PPFIBP2: variants seen among roughly 807,000 people sequenced by gnomAD.
PPFIBP2 encodes the protein PPFIB scaffold protein 2.
Under a neutral mutation model 118.3 loss-of-function variants are expected in PPFIBP2, and 118 were observed. The observed-to-expected ratio is 1.00, with a 90% CI of 0.86 to 1.16. The LOEUF (loss-of-function observed/expected upper bound fraction) is 1.16, where lower values mean the gene tolerates loss of function less well. Among genes scored for constraint, PPFIBP2 ranks in the 50% most tolerant of loss-of-function variants. The pLI is 0.00. For missense variants in PPFIBP2, 1,195 were observed against 1,073.1 expected (o/e 1.11, Z -1.59); for synonymous variants, 414 against 397.4 (o/e 1.04, Z -0.50).
intron 1 of PPFIBP2, among the ~76,000 whole-genome samples, chr11:7,538,558 A>G (rs1796847396): frequency 6.6e-6 from 1 of 152,196 alleles, no homozygotes; most frequent in Non-Finnish European, 1.5e-5. Flanking sequence ...GGCTCTGCCA[A>G]AGGAGGCTGG....
At chr11:7,615,817 T>C (rs1162564468) in intron 6 of PPFIBP2, among the ~76,000 whole-genome samples, 2 of 152,188 alleles carry the variant, frequency 1.3e-5, no homozygotes, top group East Asian at 3.8e-4. Context: ...AAACTAGGCA[T>C]AAACAGACAT....
At chr11:7,544,473 T>C (rs374010491) in intron 1 of PPFIBP2, among the ~76,000 whole-genome samples, 29 of 152,242 alleles carry the variant, frequency 1.9e-4, no homozygotes, top group East Asian at 1.2e-3. Context: ...TCTCCTCTCA[T>C]TGCTGGGGAG....
intron 17 of PPFIBP2, among the ~76,000 whole-genome samples, chr11:7,646,254 T>A (rs7119947): frequency 0.56 from 85,683 of 152,140 alleles, 24,863 homozygotes; most frequent in Non-Finnish European, 0.6. Context: ...TTAAATGAAC[T>A]TTGTCAATTC....
intron 3 of PPFIBP2, among the ~76,000 whole-genome samples, chr11:7,580,704 T>G (rs979304699): frequency 3.3e-5 from 5 of 152,138 alleles, no homozygotes. Flanking sequence ...CCAAGGTAAA[T>G]TATCTCAAAA....
intron 5 of PPFIBP2, among the ~76,000 whole-genome samples, chr11:7,608,614 T>C (rs768711535): frequency 2.2e-4 from 34 of 152,304 alleles, no homozygotes; most frequent in Non-Finnish European, 4.6e-4. Context: ...CACTCCAGCC[T>C]GGGCAAAAAG....
chr11:7,535,977 G>T (rs955023117), intron 1 of PPFIBP2, among the ~76,000 whole-genome samples: 1 of 152,198 alleles, frequency 6.6e-6, no homozygotes, highest in Non-Finnish European at 1.5e-5. Flanking sequence ...GGAGGAGAGT[G>T]TCACCACTGA....
intron 3 of PPFIBP2, among the ~76,000 whole-genome samples, chr11:7,592,783 C>A (rs1168489168): frequency 6.6e-6 from 1 of 152,148 alleles, no homozygotes; most frequent in African/African-American, 2.4e-5. Context: ...AAGAGCAGAC[C>A]CTCATTGTCG....
rs764075263 is a variant in PPFIBP2, at chr11:7,648,501, C to T, written c.1761C>T (p.His587=). 3 of 1,614,086 alleles carry T rather than the reference C, an allele frequency of 1.9e-6. No individual in the cohort carries two copies. Among genetic ancestry groups the T allele is most frequent in the East Asian group, 2.2e-5 (1 of 44,856 alleles). The change falls in exon 18 of 24, where the codon CAC becomes CAT. Residue 587 remains histidine (H), a synonymous_variant. Transcript: ENST00000299492. ...CCAGGCAGTGGGTATCTTCTGGCCA[C>T]ACCTTATTGACAGCCACCCCTCAGG... The part of the protein sequence containing the change: ...IFARQWVSSG[H]TLLTATPQDM...
intron 11 of PPFIBP2, 183 bp from the exon 12 acceptor site, chr11:7,632,684 T>C: frequency 1.9e-6 from 1 of 538,048 alleles, no homozygotes; most frequent in Non-Finnish European, 3.4e-6. Flanking sequence ...CCAGATGGAC[T>C]GATAAGCCTA....
chr11:7,664,472 C>T, the PPFIBP2 span, among the ~76,000 whole-genome samples: 2 of 152,096 alleles, frequency 1.3e-5, no homozygotes, highest in African/African-American at 4.8e-5. Context: ...TTAGCAGCAT[C>T]CTTGGTCTCT....
At chr11:7,601,488 A>G (rs910407371) in intron 5 of PPFIBP2, among the ~76,000 whole-genome samples, 9 of 152,136 alleles carry the variant, frequency 5.9e-5, no homozygotes, top group African/African-American at 2.2e-4. Context: ...GACTGCTACA[A>G]GCAGACAGCT....
intron 2 of PPFIBP2, among the ~76,000 whole-genome samples, chr11:7,557,972 C>G (rs1462435278): frequency 6.6e-6 from 1 of 152,138 alleles, no homozygotes; most frequent in African/African-American, 2.4e-5. Flanking sequence ...CATCTCATGC[C>G]AAAGAACTCC....
intron 11 of PPFIBP2, chr11:7,632,627 T>C (rs147283655): frequency 6.4e-5 from 28 of 436,750 alleles, no homozygotes; most frequent in African/African-American, 5.0e-4. Context: ...TACTGGGATA[T>C]GAACATGATC....
chr11:7,601,504 C>T (rs935756544), intron 5 of PPFIBP2, among the ~76,000 whole-genome samples: 1 of 151,992 alleles, frequency 6.6e-6, no homozygotes, highest in African/African-American at 2.4e-5. Flanking sequence ...CAGCTACAAG[C>T]ATCTCATAGC....
At chr11:7,627,977 A>G (rs1263273037) in intron 8 of PPFIBP2, among the ~76,000 whole-genome samples, 1 of 152,184 alleles carries the variant, frequency 6.6e-6, no homozygotes, top group Non-Finnish European at 1.5e-5. Flanking sequence ...AAAAATGTCT[A>G]TATTCTTAGG....
At chr11:7,606,009 G>A (rs529832994) in intron 5 of PPFIBP2, 212 of 1,534,564 alleles carry the variant, frequency 1.4e-4, no homozygotes, top group Middle Eastern at 1.7e-4. Flanking sequence ...GACGGAGTGC[G>A]CCTAAAGTAG....
chr11:7,525,277 A>G (rs557388356), intron 1 of PPFIBP2, among the ~76,000 whole-genome samples: 3 of 152,278 alleles, frequency 2.0e-5, no homozygotes, highest in Admixed American at 6.5e-5. Flanking sequence ...TACATTCCTC[A>G]TCTGTTTAAT....
chr11:7,617,618 A>G (rs908362962), intron 6 of PPFIBP2, among the ~76,000 whole-genome samples: 1 of 152,148 alleles, frequency 6.6e-6, no homozygotes, highest in South Asian at 2.1e-4. Flanking sequence ...CTTCTCAGGT[A>G]TGTGACTCAG....
At chr11:7,522,198 A>G (rs1047138186) in intron 1 of PPFIBP2, among the ~76,000 whole-genome samples, 3 of 152,170 alleles carry the variant, frequency 2.0e-5, no homozygotes, top group Non-Finnish European at 2.9e-5. Flanking sequence ...AGAAGGGAGC[A>G]GAGGCAAGTG....
Sources: allele counts gnomAD v4.1 joint callset (sites outside exome capture counted in the v4.1 genomes callset), GRCh38; gene constraint gnomAD v4.1.1; transcripts MANE v1.5; gene names NCBI Gene and HGNC (gene_info 2026-07-23, HGNC 2026-07-21).